NPAS3: variants seen among roughly 807,000 people sequenced by gnomAD.
The protein encoded by NPAS3 is neuronal PAS domain protein 3.
Under a neutral mutation model 73.1 loss-of-function variants are expected in NPAS3, and 14 were observed. The ratio of observed to expected loss-of-function variants is 0.19; its 90% CI spans 0.13 to 0.30. The LOEUF is 0.30. Ranked by LOEUF, NPAS3 falls within the 10% of genes least tolerant of loss-of-function variation. NPAS3 has a pLI of 1.00. For synonymous variants in NPAS3, 620 were observed against 541.5 expected, an observed-to-expected ratio of 1.14 and a Z score of -2.01; for missense variants, 1,096 against 1,250.0, an observed-to-expected ratio of 0.88 and a Z score of 1.86.
At chr14:33,659,878 GAA>G (rs913294422) in intron 5 of NPAS3, among the ~76,000 whole-genome samples, 10 of 152,086 alleles carry the variant, frequency 6.6e-5, no homozygotes, top group African/African-American at 2.4e-4. Flanking sequence ...GTCAATGGTA[GAA>G]ACAAAAAGAA....
chr14:33,713,989 C>G (rs768288394), intron 6 of NPAS3, among the ~76,000 whole-genome samples: 1 of 152,074 alleles, frequency 6.6e-6, no homozygotes, highest in Non-Finnish European at 1.5e-5. Context: ...ACTATCTCAC[C>G]GGATATCCAA....
intron 2 of NPAS3, among the ~76,000 whole-genome samples, chr14:33,143,125 C>G (rs900532962): frequency 2.6e-5 from 4 of 151,238 alleles, no homozygotes; most frequent in Admixed American, 1.3e-4. Flanking sequence ...GAAAGAAATA[C>G]CTCTTAAATC....
intron 1 of NPAS3, among the ~76,000 whole-genome samples, chr14:33,054,610 CTGAGT>C (rs2040817794): frequency 1.0e-5 from 1 of 100,010 alleles, no homozygotes; most frequent in African/African-American, 4.4e-5. Flanking sequence ...AAAAACTTAT[CTGAGT>C]TTTTTTTTTT....
chr14:33,771,517 A>G (rs1484163197), intron 7 of NPAS3, among the ~76,000 whole-genome samples: 1 of 152,208 alleles, frequency 6.6e-6, no homozygotes, highest in Non-Finnish European at 1.5e-5. Context: ...TACTTAATAA[A>G]CTGGCATCTG....
intron 5 of NPAS3, among the ~76,000 whole-genome samples, chr14:33,612,205 G>A (rs889771716): frequency 1.3e-5 from 2 of 152,158 alleles, no homozygotes; most frequent in Non-Finnish European, 2.9e-5. Context: ...GGCCCCTGCC[G>A]GGGAGAATGA....
At chr14:33,401,412 G>A (rs1445437880) in intron 4 of NPAS3, among the ~76,000 whole-genome samples, 1 of 152,114 alleles carries the variant, frequency 6.6e-6, no homozygotes, top group Non-Finnish European at 1.5e-5. Flanking sequence ...TATTGGCGTA[G>A]GGAAGTGTTA....
intron 3 of NPAS3, among the ~76,000 whole-genome samples, chr14:33,266,269 T>C (rs1034077512): frequency 1.3e-5 from 2 of 152,204 alleles, no homozygotes; most frequent in African/African-American, 2.4e-5. Flanking sequence ...TGTGTTTTAA[T>C]TTGTGGACCT....
chr14:33,181,815 A>G (rs1423792030), intron 2 of NPAS3, among the ~76,000 whole-genome samples: 1 of 152,186 alleles, frequency 6.6e-6, no homozygotes, highest in Non-Finnish European at 1.5e-5. Context: ...TCTGTCAGCC[A>G]GTTTTTACTG....
At chr14:33,097,505 T>C (rs2042456709) in intron 2 of NPAS3, among the ~76,000 whole-genome samples, 2 of 151,958 alleles carry the variant, frequency 1.3e-5, no homozygotes, top group South Asian at 4.2e-4. Flanking sequence ...TGTACATGTC[T>C]CTTTGGTAAC....
chr14:32,956,379 T>C (rs1407995500), intron 1 of NPAS3, among the ~76,000 whole-genome samples: 2 of 152,184 alleles, frequency 1.3e-5, no homozygotes, highest in Non-Finnish European at 2.9e-5. Flanking sequence ...ATAACACAAA[T>C]CTTTGCACTG....
chr14:33,690,365 T>C (rs1447861477), intron 6 of NPAS3, among the ~76,000 whole-genome samples: 1 of 152,042 alleles, frequency 6.6e-6, no homozygotes, highest in African/African-American at 2.4e-5. Flanking sequence ...AGGTACTATA[T>C]ATGGACTTAA....
chr14:33,489,440 G>T (rs959106820), intron 4 of NPAS3, among the ~76,000 whole-genome samples: 1 of 151,966 alleles, frequency 6.6e-6, no homozygotes, highest in Non-Finnish European at 1.5e-5. Context: ...TTGTATATTT[G>T]ATATTTTAAA....
Position 33,800,414 on chromosome 14 carries a change from G to A in NPAS3, c.2107G>A (p.Gly703Ser). The A allele has an allele frequency of 1.9e-6, 3 of 1,598,046 alleles. No homozygotes were observed. Among genetic ancestry groups the A allele is most frequent in the South Asian group, 2.2e-5 (2 of 89,620 alleles). Reference sequence around the variant, plus strand: ...GCAGGGCGGCGGCGGTGGGGGTGGCGGTGGCGGGGGGCTGCACGTGGCCAT... The same window carrying A: ...GCAGGGCGGCGGCGGTGGGGGTGGCAGTGGCGGGGGGCTGCACGTGGCCAT... The change falls in exon 12 of 12, where the codon GGT becomes AGT. Residue 703 changes from glycine to serine, a missense_variant. Transcript: ENST00000356141. The surrounding 1 kb of genome is among the most constrained non-coding windows in gnomAD (Gnocchi z 6.5).
chr14:33,696,520 G>A (rs1001317423), intron 6 of NPAS3, among the ~76,000 whole-genome samples: 1 of 152,160 alleles, frequency 6.6e-6, no homozygotes, highest in African/African-American at 2.4e-5. Flanking sequence ...GGTAAATAGT[G>A]CAGCATTATT....
intron 5 of NPAS3, among the ~76,000 whole-genome samples, chr14:33,592,172 C>A (rs557141324): frequency 1.3e-5 from 2 of 152,320 alleles, no homozygotes; most frequent in South Asian, 4.1e-4. Context: ...CTGGGTGGCT[C>A]AGACCATGGA....
chr14:33,234,758 A>G (rs1041171762), intron 3 of NPAS3, among the ~76,000 whole-genome samples: 3 of 152,120 alleles, frequency 2.0e-5, no homozygotes, highest in Non-Finnish European at 4.4e-5. Context: ...CTATGGGTCT[A>G]GAACACTATA....
chr14:33,593,801 T>G (rs1010593535), intron 5 of NPAS3, among the ~76,000 whole-genome samples: 1 of 152,166 alleles, frequency 6.6e-6, no homozygotes, highest in Non-Finnish European at 1.5e-5. Context: ...AAAGGGACAT[T>G]TGTCCCTTGA....
intron 4 of NPAS3, among the ~76,000 whole-genome samples, chr14:33,423,813 G>A (rs371712655): frequency 9.2e-5 from 14 of 152,060 alleles, no homozygotes; most frequent in African/African-American, 3.4e-4. Context: ...TAGATCAAAA[G>A]CAAGTCAAAG....
At chr14:32,938,212 C>A (rs2035761324), upstream of NPAS3, among the ~76,000 whole-genome samples, 1 of 152,070 alleles carries the variant, frequency 6.6e-6, no homozygotes, top group East Asian at 1.9e-4. Flanking sequence ...GCTGCTGCAC[C>A]GCCCACGGGG....
Sources: gnomAD v4.1 joint callset for allele counts (sites outside exome capture counted in the v4.1 genomes callset) on GRCh38, gnomAD v4.1.1 for gene constraint, Gnocchi (gnomAD v3.1) non-coding constraint, MANE v1.5 for transcripts, NCBI Gene and HGNC (gene_info 2026-07-23, HGNC 2026-07-21) for gene names.